Variants in MGST2 observed in about 807,000 individuals in gnomAD.
MGST2 encodes the protein glutathione peroxidase MGST2.
Under a neutral mutation model 16.6 loss-of-function variants are expected in MGST2, and 9 were observed. The observed-to-expected ratio is 0.54, with a 90% CI of 0.33 to 0.95. MGST2 has a LOEUF of 0.95. Ranked by LOEUF, MGST2 falls within the 40% of genes least tolerant of loss-of-function variation. MGST2 has a pLI of 0.03. For synonymous variants in MGST2, 79 were observed against 68.0 expected, an observed-to-expected ratio of 1.16 and a Z score of -0.79; for missense variants, 159 against 175.1, an observed-to-expected ratio of 0.91 and a Z score of 0.52.
chr4:139,674,806 A>G (rs1193674923), intron 1 of MGST2, among the ~76,000 whole-genome samples: 1 of 152,114 alleles, frequency 6.6e-6, no homozygotes, highest in Non-Finnish European at 1.5e-5. Context: ...CTTTATAGCT[A>G]TCTTATTTAG....
At chr4:139,729,174 A>G (rs1287498631) in intron 5 of MGST2, among the ~76,000 whole-genome samples, 1 of 151,538 alleles carries the variant, frequency 6.6e-6, no homozygotes, top group Admixed American at 6.6e-5. Flanking sequence ...AAAAAAAAAA[A>G]AAAAAGGGAA....
intron 3 of MGST2, chr4:139,698,026 C>T: frequency 3.2e-6 from 2 of 617,686 alleles, no homozygotes; most frequent in Non-Finnish European, 5.7e-6. Flanking sequence ...CAATCATATA[C>T]TTAGGTACCT....
At chr4:139,690,267 C>T (rs1726496470) in intron 2 of MGST2, among the ~76,000 whole-genome samples, 1 of 152,100 alleles carries the variant, frequency 6.6e-6, no homozygotes, top group African/African-American at 2.4e-5. Flanking sequence ...GCTAGGATTA[C>T]AGGTGTGAGC....
rs1728907481 is a variant in MGST2, at chr4:139,735,609, C to T, written c.*49-4603C>T. Reference sequence around the variant, plus strand: ...TCGGGTCGGCCCGGCACCGCTGCTTCGGCTCAGAGTCCTTGCAATCGCTTG... The same window carrying T: ...TCGGGTCGGCCCGGCACCGCTGCTTTGGCTCAGAGTCCTTGCAATCGCTTG... On this transcript the variant is annotated intron_variant, in intron 5 of 5. Coordinates refer to the MGST2 transcript ENST00000616265. This position sits in a 1 kb window ranked among gnomAD's most constrained non-coding sequence, Gnocchi z 5.8. Among the ~76,000 whole-genome samples, 1 of 152,206 alleles carries T rather than the reference C, an allele frequency of 6.6e-6. No homozygotes were observed.
chr4:139,714,681 A>G (rs2110934789), intron 5 of MGST2, among the ~76,000 whole-genome samples: 1 of 152,314 alleles, frequency 6.6e-6, no homozygotes, highest in South Asian at 2.1e-4. Flanking sequence ...GTCTCTGGGC[A>G]AGATGGTCGC....
At chr4:139,736,800 GT>G (rs1355330101) in intron 5 of MGST2, among the ~76,000 whole-genome samples, 6 of 152,182 alleles carry the variant, frequency 3.9e-5, no homozygotes, top group Admixed American at 3.9e-4. Context: ...TGGTTACGAT[GT>G]CCCATAGAGA....
At chr4:139,691,848 G>A (rs1281532689) in intron 2 of MGST2, among the ~76,000 whole-genome samples, 2 of 152,018 alleles carry the variant, frequency 1.3e-5, no homozygotes, top group Non-Finnish European at 1.5e-5. Context: ...ACAGGCACCC[G>A]CCACCACGCC....
chr4:139,684,559 A>T (rs1468134299), intron 2 of MGST2, among the ~76,000 whole-genome samples: 1 of 152,190 alleles, frequency 6.6e-6, no homozygotes, highest in Non-Finnish European at 1.5e-5. Flanking sequence ...TGGAAGCTCC[A>T]TGTGCATGGC....
chr4:139,719,155 TG>T, intron 5 of MGST2: 1 of 699,206 alleles, frequency 1.4e-6, no homozygotes, highest in Non-Finnish European at 2.3e-6. Flanking sequence ...AAATGAGGCC[TG>T]GTGGGGCTGT....
chr4:139,702,899 G>T, intron 3 of MGST2, among the ~76,000 whole-genome samples: 1 of 100,574 alleles, frequency 9.9e-6, no homozygotes, highest in Admixed American at 1.2e-4. Flanking sequence ...TTGGATGTGT[G>T]GTGGTGCCAT....
At chr4:139,672,519 C>T (rs929387659) in intron 1 of MGST2, among the ~76,000 whole-genome samples, 4 of 152,020 alleles carry the variant, frequency 2.6e-5, no homozygotes, top group African/African-American at 9.7e-5. Context: ...CTTCTCCTCA[C>T]TCTGCTCTCT....
rs554449750 is a variant in MGST2, at chr4:139,719,231, A to C, written c.*48+15035A>C. On this transcript the variant is annotated intron_variant, in intron 5 of 5. Transcript: ENST00000616265. ...TTTTGCTCAGTTTACGTGGGTCAAA[A>C]AAACAAAAAACAAGGATGGGTCAAC... 9.3e-4 allele frequency: 1,346 copies of C among 1,451,168 alleles called. 5 individuals are homozygous for C. Among genetic ancestry groups the C allele is most frequent in the Middle Eastern group, 4.0e-3 (19 of 4,706 alleles). 89.9% of individuals were successfully genotyped at this position (1,451,168 alleles called of 1,614,324 possible).
At chr4:139,683,428 T>C (rs1241683704) in intron 2 of MGST2, among the ~76,000 whole-genome samples, 1 of 152,100 alleles carries the variant, frequency 6.6e-6, no homozygotes, top group Non-Finnish European at 1.5e-5. Flanking sequence ...TGGGGAAGTA[T>C]TAGGAGGTTC....
chr4:139,668,601 G>C (rs868258528), intron 1 of MGST2, among the ~76,000 whole-genome samples: 4,931 of 149,152 alleles, frequency 0.033, 113 homozygotes, highest in Non-Finnish European at 0.05. Flanking sequence ...GACACAGAGA[G>C]AGAGAGAGAG....
intron 3 of MGST2, among the ~76,000 whole-genome samples, chr4:139,701,063 C>G (rs894614779): frequency 6.6e-6 from 1 of 152,222 alleles, no homozygotes. Context: ...AATGAAACCG[C>G]TGTTCCTTGT....
intron 3 of MGST2, among the ~76,000 whole-genome samples, chr4:139,699,708 CTGAA>C (rs149851914): frequency 0.062 from 9,371 of 152,148 alleles, 458 homozygotes; most frequent in Admixed American, 0.13. Flanking sequence ...TTCTAATTAA[CTGAA>C]GGAGGAGGAC....
chr4:139,683,493 G>C (rs1731378353), intron 2 of MGST2, among the ~76,000 whole-genome samples: 1 of 152,034 alleles, frequency 6.6e-6, no homozygotes, highest in Non-Finnish European at 1.5e-5. Flanking sequence ...TAAGCATTAT[G>C]ATCTACTAAG....
At chr4:139,708,809 C>A (rs1424646566), downstream of MGST2, among the ~76,000 whole-genome samples, 1 of 151,926 alleles carries the variant, frequency 6.6e-6, no homozygotes, top group Non-Finnish European at 1.5e-5. Flanking sequence ...TTGAGACCAG[C>A]CTGACCAACA....
At chr4:139,702,240 T>G (rs1727288860) in intron 3 of MGST2, among the ~76,000 whole-genome samples, 1 of 152,186 alleles carries the variant, frequency 6.6e-6, no homozygotes, top group African/African-American at 2.4e-5. Context: ...AAATCTTCAA[T>G]GAATGTTGAG....
Sources: gnomAD v4.1 joint callset for allele counts (sites outside exome capture counted in the v4.1 genomes callset) on GRCh38, gnomAD v4.1.1 for gene constraint, Gnocchi (gnomAD v3.1) non-coding constraint, MANE v1.5 for transcripts, NCBI Gene and HGNC (gene_info 2026-07-23, HGNC 2026-07-21) for gene names.